Variants in GLIS3 observed in about 807,000 individuals in gnomAD.
GLIS3 encodes the protein zinc finger protein GLIS3.
A neutral mutation model predicts 78.6 loss-of-function variants in GLIS3; 53 were observed. The ratio of observed to expected loss-of-function variants is 0.67; its 90% confidence interval spans 0.54 to 0.85. The LOEUF (loss-of-function observed/expected upper bound fraction) is 0.85. GLIS3 is among the 40% of genes least tolerant of loss of function. The probability of loss-of-function intolerance (pLI) is 0.00; values close to 1 mark genes in which losing one functional copy is unlikely to be tolerated. For synonymous variants in GLIS3, 684 were observed against 509.9 expected (o/e 1.34, Z -4.60); for missense variants, 1,703 against 1,231.1 (o/e 1.38, Z -5.74).
upstream of GLIS3, among the ~76,000 whole-genome samples, chr9:4,350,151 G>C (rs931236402): frequency 6.6e-6 from 1 of 152,234 alleles, no homozygotes; most frequent in African/African-American, 2.4e-5. Context: ...GGTCAGAGAA[G>C]ACCGAGAGCT....
chr9:3,898,507 A>G (rs890144189), intron 7 of GLIS3, 184 bp downstream of exon 7: 4 of 699,912 alleles, frequency 5.7e-6, no homozygotes, highest in African/African-American at 5.3e-5. Context: ...CTTTATGAGA[A>G]AAAACAATCT....
intron 2 of GLIS3, among the ~76,000 whole-genome samples, chr9:4,237,559 G>A (rs781696801): frequency 6.6e-5 from 10 of 152,198 alleles, no homozygotes; most frequent in Non-Finnish European, 1.3e-4. Context: ...CAAAATGATA[G>A]TACTTTTTTA....
Position 4,249,028 on chromosome 9 carries a change from A to G in GLIS3, c.388+37010T>C, listed in dbSNP as rs146046002. Among the ~76,000 whole-genome samples, 375 of 152,222 alleles carry G rather than the reference A, an allele frequency of 2.5e-3. 2 individuals carry two copies. Among genetic ancestry groups the G allele is most frequent in the African/African-American group, 8.8e-3 (367 of 41,546 alleles). ...CAAGTACCATGCTGTTTTGGTTACT[A>G]TACCCTTGTAGTATAGTTTGAAGTC... is the stretch of plus-strand genomic sequence containing the variant. On this transcript the variant is annotated intron_variant, in intron 2 of 10. Transcript: ENST00000381971.
intron 4 of GLIS3, among the ~76,000 whole-genome samples, chr9:4,081,624 C>A (rs1029013344): frequency 2.6e-5 from 4 of 152,194 alleles, no homozygotes; most frequent in Non-Finnish European, 5.9e-5. Flanking sequence ...TTTGATTGTG[C>A]TAAGCCACTG....
intron 2 of GLIS3, among the ~76,000 whole-genome samples, chr9:4,271,962 G>T (rs571845154): frequency 2.0e-5 from 3 of 152,192 alleles, no homozygotes; most frequent in South Asian, 4.2e-4. Context: ...ATCTAATAAT[G>T]CAGGGGATCC....
intron 2 of GLIS3, among the ~76,000 whole-genome samples, chr9:4,238,949 G>C (rs1823032521): frequency 6.6e-6 from 1 of 151,908 alleles, no homozygotes; most frequent in South Asian, 2.1e-4. Context: ...GTTGTTTTTT[G>C]TCCCTGCAGT....
intron 2 of GLIS3, among the ~76,000 whole-genome samples, chr9:4,278,099 A>G (rs1827194621): frequency 6.6e-6 from 1 of 152,228 alleles, no homozygotes; most frequent in Admixed American, 6.5e-5. Flanking sequence ...CTTGTCGTAG[A>G]CAGAGCAAAA....
chr9:4,054,025 C>T (rs985245008), intron 4 of GLIS3, among the ~76,000 whole-genome samples: 1 of 152,234 alleles, frequency 6.6e-6, no homozygotes, highest in African/African-American at 2.4e-5. Context: ...TGAATAGCTT[C>T]TTGCTATTTG....
chr9:3,926,244 T>C (rs1178511080), intron 6 of GLIS3, among the ~76,000 whole-genome samples: 1 of 149,810 alleles, frequency 6.7e-6, no homozygotes, highest in Admixed American at 6.6e-5. Flanking sequence ...TTTTTTTTTT[T>C]TTCTTTGACG....
At chr9:4,378,474 A>C in the GLIS3 span, among the ~76,000 whole-genome samples, 1 of 152,202 alleles carries the variant, frequency 6.6e-6, no homozygotes, top group Non-Finnish European at 1.5e-5. Flanking sequence ...CTCTGGGAAG[A>C]ACCAGGAAGA....
chr9:3,857,631 G>A (rs1326129083), intron 8 of GLIS3, among the ~76,000 whole-genome samples: 1 of 152,214 alleles, frequency 6.6e-6, no homozygotes, highest in Non-Finnish European at 1.5e-5. Flanking sequence ...AAACAAACCA[G>A]CTGGGTTGGG....
intron 2 of GLIS3, among the ~76,000 whole-genome samples, chr9:4,216,243 T>G (rs1010488363): frequency 6.6e-6 from 1 of 151,576 alleles, no homozygotes; most frequent in East Asian, 1.9e-4. Flanking sequence ...GAGGCCGAGG[T>G]GGGCAGATCA....
rs184032038 is a variant in GLIS3, at chr9:4,135,882, T to C, written c.389-9941A>G. 1.4e-4 allele frequency among the ~76,000 whole-genome samples: 21 copies of C among 152,354 alleles called. No homozygotes were observed. In the East Asian group the frequency reaches 4.0e-3, roughly 29 times the overall value. On this transcript the variant is annotated intron_variant, in intron 2 of 10. Transcript: ENST00000381971. ...TCCTTAGAGCTAGAAACATCCTGCATACCAAACACCCTAGGCTTGCTATGT... is the reference window on the plus strand; with the variant it reads ...TCCTTAGAGCTAGAAACATCCTGCACACCAAACACCCTAGGCTTGCTATGT...
At chr9:4,069,703 A>T (rs145201065) in intron 4 of GLIS3, among the ~76,000 whole-genome samples, 1 of 152,158 alleles carries the variant, frequency 6.6e-6, no homozygotes, top group Non-Finnish European at 1.5e-5. Context: ...TCTACAGTGC[A>T]TACTTACAGG....
upstream of GLIS3, among the ~76,000 whole-genome samples, chr9:4,302,688 A>G: frequency 6.6e-6 from 1 of 152,234 alleles, no homozygotes; most frequent in East Asian, 1.9e-4. Flanking sequence ...GCCAGTTTAG[A>G]AGCCCCAAGT....
At chr9:3,933,730 T>G (rs1208726033) in intron 5 of GLIS3, among the ~76,000 whole-genome samples, 1 of 152,158 alleles carries the variant, frequency 6.6e-6, no homozygotes, top group African/African-American at 2.4e-5. Context: ...ATCTGATTAA[T>G]CTGATTCCTT....
At chr9:3,908,496 G>T (rs960778212) in intron 6 of GLIS3, among the ~76,000 whole-genome samples, 10 of 152,090 alleles carry the variant, frequency 6.6e-5, no homozygotes, top group Non-Finnish European at 1.3e-4. Flanking sequence ...CTATCCAGTT[G>T]CAAGTAAACA....
chr9:4,242,804 G>C (rs1424209776), intron 2 of GLIS3, among the ~76,000 whole-genome samples: 2 of 152,006 alleles, frequency 1.3e-5, no homozygotes, highest in African/African-American at 4.8e-5. Flanking sequence ...TATATTATGG[G>C]CTGAAATAGT....
the GLIS3 span, among the ~76,000 whole-genome samples, chr9:4,451,849 T>C: frequency 3.3e-5 from 5 of 151,836 alleles, no homozygotes; most frequent in South Asian, 4.1e-4. Flanking sequence ...TTTAAAACAG[T>C]GTGTATACAG....
Sources: allele counts gnomAD v4.1 joint callset (sites outside exome capture counted in the v4.1 genomes callset), GRCh38; gene constraint gnomAD v4.1.1; transcripts MANE v1.5; gene names NCBI Gene and HGNC (gene_info 2026-07-23, HGNC 2026-07-21).